Variants in FOXN3 observed in about 807,000 individuals in gnomAD.
The protein encoded by FOXN3 is forkhead box protein N3.
Under a neutral mutation model 38.4 loss-of-function variants are expected in FOXN3, and 7 were observed. The ratio of observed to expected loss-of-function variants is 0.18; its 90% CI spans 0.10 to 0.34. FOXN3 has a LOEUF of 0.34. FOXN3 is among the 10% of genes least tolerant of loss of function. The probability of loss-of-function intolerance (pLI) is 1.00; values close to 1 mark genes in which losing one functional copy is unlikely to be tolerated. For synonymous variants in FOXN3, 230 were observed against 242.2 expected, an observed-to-expected ratio of 0.95 and a Z score of 0.47; for missense variants, 456 against 613.4, an observed-to-expected ratio of 0.74 and a Z score of 2.71.
intron 2 of FOXN3, among the ~76,000 whole-genome samples, chr14:89,367,839 A>T (rs1476549734): frequency 3.8e-5 from 2 of 52,882 alleles, no homozygotes; most frequent in African/African-American, 1.3e-4. Flanking sequence ...CTCCTGCCCC[A>T]GAAACCCTCC....
At chr14:89,611,624 G>GA (rs1896393026) in intron 1 of FOXN3, among the ~76,000 whole-genome samples, 1 of 152,058 alleles carries the variant, frequency 6.6e-6, no homozygotes, top group African/African-American at 2.4e-5. Flanking sequence ...GGTTAACACG[G>GA]TGAAACCCCG....
chr14:89,484,318 A>C lies in FOXN3; in HGVS notation c.-14-71828T>G, dbSNP rs558803402. Among the ~76,000 whole-genome samples, 16 of 152,348 alleles carry C rather than the reference A, an allele frequency of 1.1e-4. No individual in the cohort carries two copies. The highest frequency in any genetic ancestry group is 3.8e-4 in the African/African-American group (16 of 41,588). On this transcript the variant is annotated intron_variant, in intron 1 of 6. Transcript: ENST00000345097. This position sits in a 1 kb window ranked among gnomAD's most constrained non-coding sequence, Gnocchi z 4.0. ...GTAAGCTTTTCCCATAAAAGACCAT[A>C]GGGTAAATATTTCATGGTTTCCATT...
chr14:89,178,031 A>G (rs1343851009), intron 5 of FOXN3, among the ~76,000 whole-genome samples: 1 of 151,926 alleles, frequency 6.6e-6, no homozygotes, highest in Admixed American at 6.6e-5. Flanking sequence ...TGATTTTTAC[A>G]TGGTCTCACT....
At chr14:89,391,806 A>AC (rs1890955289) in intron 2 of FOXN3, among the ~76,000 whole-genome samples, 2 of 152,130 alleles carry the variant, frequency 1.3e-5, no homozygotes. Flanking sequence ...GGATTTCAAG[A>AC]CCAACCTGGG....
intron 4 of FOXN3, among the ~76,000 whole-genome samples, chr14:89,233,593 T>A (rs1045397145): frequency 6.6e-6 from 1 of 152,228 alleles, no homozygotes; most frequent in Non-Finnish European, 1.5e-5. Flanking sequence ...TTTTTTATGA[T>A]CTGTCATCCC....
At chr14:89,436,574 G>C (rs1232330896) in intron 1 of FOXN3, among the ~76,000 whole-genome samples, 1 of 152,150 alleles carries the variant, frequency 6.6e-6, no homozygotes, top group Non-Finnish European at 1.5e-5. Flanking sequence ...TCGTCGAATG[G>C]GCAGCCGCAG....
rs1442698999 is a variant in FOXN3, at chr14:89,524,384, AAAAAAAAAAAAAAAAAAAAG to A, written c.-15+94624_-15+94643del. Among the ~76,000 whole-genome samples, 313 of 113,880 alleles carry A rather than the reference AAAAAAAAAAAAAAAAAAAAG, an allele frequency of 2.7e-3. 7 individuals are homozygous for A. Among genetic ancestry groups the A allele is most frequent in the African/African-American group, 0.012 (295 of 24,426 alleles). The allele number at this position is 113,880 out of a possible 152,430, so 74.7% of individuals were successfully genotyped here. On this transcript the variant is annotated intron_variant, in intron 1 of 6. Transcript: ENST00000345097. ...AAGACTCCATCTCAAAAAAAAAAAA[AAAAAAAAAAAAAAAAAAAAG>A]AAAGAAAGAAACTAGAAAAAGAACT...
intron 3 of FOXN3, among the ~76,000 whole-genome samples, chr14:89,346,687 A>G (rs1888767294): frequency 6.6e-6 from 1 of 151,988 alleles, no homozygotes; most frequent in Admixed American, 6.6e-5. Context: ...CCCTTTTCCA[A>G]CCTTTTCCAT....
At chr14:89,510,759 T>C (rs1477512661) in intron 1 of FOXN3, among the ~76,000 whole-genome samples, 1 of 152,108 alleles carries the variant, frequency 6.6e-6, no homozygotes, top group Non-Finnish European at 1.5e-5. Context: ...CTGGCCAACA[T>C]GGTGAAACAC....
chr14:89,534,629 AT>A (rs1894645888), intron 1 of FOXN3, among the ~76,000 whole-genome samples: 1 of 152,090 alleles, frequency 6.6e-6, no homozygotes, highest in Non-Finnish European at 1.5e-5. Flanking sequence ...CAGTGCTCAA[AT>A]TTTGCTGTAT....
chr14:89,172,757 G>C (rs901733728), intron 5 of FOXN3, among the ~76,000 whole-genome samples: 1 of 152,188 alleles, frequency 6.6e-6, no homozygotes, highest in South Asian at 2.1e-4. Context: ...GTGGGAAAAA[G>C]AGGGGCTACT....
At chr14:89,339,725 T>C (rs1368918343) in intron 3 of FOXN3, among the ~76,000 whole-genome samples, 3 of 152,240 alleles carry the variant, frequency 2.0e-5, no homozygotes, top group East Asian at 1.9e-4. Flanking sequence ...TTCCTCGGAC[T>C]GGCCTCCTCC....
At chr14:89,362,302 A>T (rs1251529787) in intron 2 of FOXN3, among the ~76,000 whole-genome samples, 1 of 7,306 alleles carries the variant, frequency 1.4e-4, no homozygotes, top group African/African-American at 1.6e-4. Context: ...CACCACCACC[A>T]CCACCACCTC....
chr14:89,403,157 AC>A (rs1891296469), intron 2 of FOXN3, among the ~76,000 whole-genome samples: 1 of 151,998 alleles, frequency 6.6e-6, no homozygotes, highest in South Asian at 2.1e-4. Context: ...AATGTAAACT[AC>A]TAAGAGTACA....
intron 2 of FOXN3, among the ~76,000 whole-genome samples, chr14:89,370,992 C>T (rs1168309640): frequency 1.6e-5 from 2 of 123,724 alleles, no homozygotes; most frequent in African/African-American, 2.5e-5. Flanking sequence ...GCGTCTATTT[C>T]AGCACCACTG....
intron 1 of FOXN3, among the ~76,000 whole-genome samples, chr14:89,525,904 G>A (rs1308328681): frequency 1.3e-5 from 2 of 151,672 alleles, no homozygotes; most frequent in Admixed American, 6.6e-5. Flanking sequence ...CAATAATAAA[G>A]GTAAAAGATA....
intron 3 of FOXN3, among the ~76,000 whole-genome samples, chr14:89,327,132 CT>C (rs1311638868): frequency 6.6e-6 from 1 of 152,136 alleles, no homozygotes; most frequent in African/African-American, 2.4e-5. Flanking sequence ...CAAGTATCAT[CT>C]AGGTGGTCCG....
intron 1 of FOXN3, among the ~76,000 whole-genome samples, chr14:89,543,168 CCAA>C (rs1420237193): frequency 6.6e-6 from 1 of 152,160 alleles, no homozygotes; most frequent in African/African-American, 2.4e-5. Context: ...GAAGGCACAG[CCAA>C]CAAGTACACC....
chr14:89,559,485 G>A (rs1328907970), intron 1 of FOXN3, among the ~76,000 whole-genome samples: 3 of 151,890 alleles, frequency 2.0e-5, no homozygotes, highest in Non-Finnish European at 4.4e-5. Context: ...AGACCATCCT[G>A]CCCAATATGG....
Sources: allele counts gnomAD v4.1 joint callset (sites outside exome capture counted in the v4.1 genomes callset), GRCh38; gene constraint gnomAD v4.1.1; non-coding constraint Gnocchi (gnomAD v3.1); transcripts MANE v1.5; gene names NCBI Gene and HGNC (gene_info 2026-07-23, HGNC 2026-07-21).